NEK3: variants seen among roughly 807,000 people sequenced by gnomAD.
NEK3 encodes serine/threonine-protein kinase Nek3.
NEK3 carries 54 observed loss-of-function variants against 66.0 expected under a neutral mutation model. The ratio of observed to expected loss-of-function variants is 0.82; its 90% confidence interval spans 0.66 to 1.03. NEK3 has a LOEUF of 1.03. Among genes scored for constraint, NEK3 ranks in the 50% least tolerant of loss-of-function variants. The pLI, the probability that NEK3 is intolerant of heterozygous loss-of-function variation, is 0.00. For missense variants in NEK3, 593 were observed against 603.0 expected (o/e 0.98, Z 0.17); for synonymous variants, 200 against 206.2 (o/e 0.97, Z 0.26).
Position 52,156,147 on chromosome 13 carries a change from GA to G in NEK3, c.44del (p.Phe15SerfsTer18). ...MVLRMIGEGS[F>X]GRALLVQHES... ...CATGCTGAACCAAAAGAGCTCTGCC[GA>G]AGGAGCCCTCCCCAATCATTCTCAG... On this transcript the variant is annotated frameshift_variant, in exon 2 of 16. Coordinates refer to ENST00000610828, the MANE Select transcript of NEK3 (RefSeq NM_002498.3). LOFTEE classifies it high-confidence loss of function. The G allele has an allele frequency of 6.2e-7, 1 of 1,606,188 alleles. No individual in the cohort carries two copies. The highest frequency in any genetic ancestry group is 8.5e-7 in the Non-Finnish European group (1 of 1,176,158).
rs1956271421 is a variant in NEK3 at position 52,143,862 on chromosome 13, C to G, written c.877+53G>C. On this transcript the variant is annotated intron_variant, in intron 10 of 15. Coordinates refer to ENST00000610828, the MANE Select transcript of NEK3 (RefSeq NM_002498.3). ...AAAATTATACATTTCTTTTCTGTTA[C>G]AGTATATTTTTAAAAGAGCACTTAA... 1.2e-5 allele frequency: 10 copies of G among 856,412 alleles called. No homozygotes were observed. The South Asian group carries it at 1.6e-4, about 13-fold the overall frequency. 53.1% of individuals were successfully genotyped at this position (856,412 alleles called of 1,614,324 possible).
chr13:52,146,747 C>T (rs571640552), intron 8 of NEK3, among the ~76,000 whole-genome samples: 1 of 152,202 alleles, frequency 6.6e-6, no homozygotes, highest in South Asian at 2.1e-4. Flanking sequence ...TAAAGGTTCC[C>T]CAAGTTGTTC....
intron 11 of NEK3, 80 bp downstream of exon 11, chr13:52,140,940 G>C (rs535588837): frequency 3.5e-6 from 4 of 1,156,760 alleles, no homozygotes; most frequent in Non-Finnish European, 4.9e-6. Flanking sequence ...TCAACCTCCC[G>C]AGTAGCTGGG....
intron 10 of NEK3, among the ~76,000 whole-genome samples, chr13:52,142,091 A>G (rs1056695392): frequency 6.6e-6 from 1 of 152,026 alleles, no homozygotes; most frequent in African/African-American, 2.4e-5. Flanking sequence ...TGTCTCAAAA[A>G]TAAAATAAAA....
At chr13:52,138,155 G>A (rs1384521176) in intron 11 of NEK3, among the ~76,000 whole-genome samples, 1 of 152,088 alleles carries the variant, frequency 6.6e-6, no homozygotes, top group Non-Finnish European at 1.5e-5. Context: ...CCAGTAGCTG[G>A]GACTACAGGC....
chr13:52,135,963 G>A (rs1264777309), intron 13 of NEK3, 100 bp from the exon 14 acceptor site: 4 of 1,502,626 alleles, frequency 2.7e-6, no homozygotes, highest in South Asian at 2.5e-5. Flanking sequence ...ATATTTGACT[G>A]TTAACTAAAA....
chr13:52,144,574 A>G, intron 9 of NEK3, 117 bp downstream of exon 9: 2 of 799,144 alleles, frequency 2.5e-6, no homozygotes, highest in Admixed American at 2.9e-5. Context: ...ATTTTTTAAT[A>G]TACTTCTGTA....
chr13:52,144,091 C>A, intron 9 of NEK3, 104 bp from the exon 10 acceptor site: 1 of 696,592 alleles, frequency 1.4e-6, no homozygotes. Context: ...AATAATATTT[C>A]AAGTTGAAAA....
chr13:52,145,447 G>T (rs540441332), intron 8 of NEK3, among the ~76,000 whole-genome samples: 2 of 152,146 alleles, frequency 1.3e-5, no homozygotes, highest in Admixed American at 6.5e-5. Flanking sequence ...GGGACTACAG[G>T]CATGTGCCAC....
chr13:52,158,622 T>G (rs1240136693), intron 1 of NEK3, among the ~76,000 whole-genome samples: 3 of 152,240 alleles, frequency 2.0e-5, no homozygotes, highest in African/African-American at 7.2e-5. Flanking sequence ...ATTTGCCTGT[T>G]ACTCAATATT....
chr13:52,154,176 A>G lies in NEK3; in HGVS notation c.118-3T>C. The G allele has an allele frequency of 4.5e-6, 7 of 1,567,154 alleles. No homozygotes were observed. The highest frequency in any genetic ancestry group is 6.1e-6 in the Non-Finnish European group (7 of 1,149,028). On this transcript the variant is annotated splice_polypyrimidine_tract_variant and splice_region_variant and intron_variant, in intron 2 of 15. Coordinates refer to ENST00000610828, the MANE Select transcript of NEK3 (RefSeq NM_002498.3). The stretch of plus-strand genomic sequence containing the variant: ...GAATTCTGTGTATTAGAGAAAGACT[A>G]GAAAAACATTTTAAATAAGCATAAA...
rs745708930 is a variant in NEK3 at position 52,151,229 on chromosome 13, C to T, written c.465G>A (p.Pro155=). The change falls in exon 7 of 16, where the codon CCG becomes CCA. Residue 155 remains proline, a synonymous_variant. Coordinates refer to ENST00000610828, the MANE Select transcript of NEK3 (RefSeq NM_002498.3). ...CCACATAGGTACAAGCAAATGCCAT[C>T]GGACTAAAACCATAAAAAGGCAACG... ...DFGSARLLSN[P]MAFACTYVGT... is the part of the protein sequence containing the mutation. 15 of 1,606,750 alleles carry T rather than the reference C, an allele frequency of 9.3e-6. 1 individual carries two copies. The highest frequency in any genetic ancestry group is 5.6e-5 in the South Asian group (5 of 89,332).
intron 10 of NEK3, 111 bp downstream of exon 10, chr13:52,143,804 G>A: frequency 1.6e-6 from 1 of 641,098 alleles, no homozygotes; most frequent in Admixed American, 3.1e-5. Flanking sequence ...GTTCATTTGA[G>A]GAGTATCTCC....
At chr13:52,149,100 C>A (rs559469518) in intron 7 of NEK3, among the ~76,000 whole-genome samples, 1 of 151,642 alleles carries the variant, frequency 6.6e-6, no homozygotes, top group African/African-American at 2.4e-5. Flanking sequence ...AGGGTTTCAC[C>A]GTGTTAGCCA....
At chr13:52,134,662 G>C (rs1230186724) in intron 14 of NEK3, among the ~76,000 whole-genome samples, 1 of 152,084 alleles carries the variant, frequency 6.6e-6, no homozygotes, top group East Asian at 1.9e-4. Context: ...TTTAAACAGG[G>C]ACTTTCCTAA....
chr13:52,159,737 G>A (rs1956428972), upstream of NEK3: 1 of 152,254 alleles, frequency 6.6e-6, no homozygotes, highest in East Asian at 1.9e-4. Flanking sequence ...GTGGAACAGT[G>A]CTGTTAACAT....
intron 14 of NEK3, among the ~76,000 whole-genome samples, chr13:52,135,198 T>A (rs1422403777): frequency 6.6e-6 from 1 of 152,136 alleles, no homozygotes; most frequent in East Asian, 1.9e-4. Context: ...AGTAAAAATA[T>A]CTGTAAAAAA....
At chr13:52,158,359 C>T (rs973628919) in intron 1 of NEK3, among the ~76,000 whole-genome samples, 2 of 152,156 alleles carry the variant, frequency 1.3e-5, no homozygotes, top group African/African-American at 4.8e-5. Flanking sequence ...CCAAATCAGT[C>T]ATACACATTG....
intron 8 of NEK3, among the ~76,000 whole-genome samples, chr13:52,145,478 A>T (rs1020643368): frequency 6.6e-5 from 10 of 151,182 alleles, no homozygotes; most frequent in African/African-American, 1.7e-4. Flanking sequence ...TAATTTTTAA[A>T]TTTTTTTTTC....
Sources: allele counts gnomAD v4.1 joint callset (sites outside exome capture counted in the v4.1 genomes callset), GRCh38; gene constraint gnomAD v4.1.1; transcripts MANE v1.5; gene names NCBI Gene and HGNC (gene_info 2026-07-23, HGNC 2026-07-21).